NRIP2: variants seen among roughly 807,000 people sequenced by gnomAD.
NRIP2 encodes nuclear receptor-interacting protein 2.
A neutral mutation model predicts 34.1 loss-of-function variants in NRIP2; 27 were observed. The ratio of observed to expected loss-of-function variants is 0.79; its 90% CI spans 0.58 to 1.09. The LOEUF is 1.09. Ranked by LOEUF, NRIP2 falls within the 50% of genes least tolerant of loss-of-function variation. NRIP2 has a pLI of 0.00. For missense variants in NRIP2, 385 were observed against 352.6 expected (o/e 1.09, Z -0.74); for synonymous variants, 145 against 146.9 (o/e 0.99, Z 0.09).
In NRIP2 at chr12:2,830,854, G is replaced by A. The variant is rs199998479; in HGVS notation, c.349C>T (p.Arg117Cys). The part of the protein sequence containing the change: ...RLGTSKDLQP[R>C]SVIQRRLVEG... ...ACCAGGCGTCTTTGGATCACACTGC[G>A]CGGCTGCTGGCTCCATCACAAAACA... The change falls in exon 2 of 6, where the codon CGC becomes TGC. Residue 117 changes from arginine (R) to cysteine (C), a missense_variant. Physicochemically the swap from Arg to Cys is radical, Grantham distance 180. Coordinates refer to ENST00000337508, the MANE Select transcript of NRIP2 (RefSeq NM_031474.3). The A allele has an allele frequency of 2.2e-5, 35 of 1,612,462 alleles. No homozygotes were observed. The Admixed American group carries it at 3.2e-4, about 15-fold the overall frequency.
intron 2 of NRIP2, chr12:2,830,421 A>C (rs1424504128): frequency 1.3e-5 from 4 of 303,138 alleles, no homozygotes; most frequent in Non-Finnish European, 2.4e-5. Context: ...CACACACACC[A>C]TTTGTCTGTG....
At position 2,827,811 on chromosome 12, in the gene NRIP2, T is replaced by C; in HGVS notation, c.700+115A>G. 1 of 1,602,816 alleles carries C rather than the reference T, an allele frequency of 6.2e-7. No homozygotes were observed. Among genetic ancestry groups the C allele is most frequent in the South Asian group, 1.1e-5 (1 of 89,408 alleles). On this transcript the variant is annotated intron_variant, in intron 4 of 5. Transcript: ENST00000337508. This position sits in a 1 kb window ranked among gnomAD's most constrained non-coding sequence, Gnocchi z 4.0. ...ACACTGGCACAGAGATGGGGGATAGTCAGAACATCTCTGGGAACTCCTCGT... is the reference window on the plus strand; with the variant it reads ...ACACTGGCACAGAGATGGGGGATAGCCAGAACATCTCTGGGAACTCCTCGT...
In NRIP2 at chr12:2,827,059, G is replaced by A. The variant is rs1389202531; in HGVS notation, c.*148C>T. On this transcript the variant is annotated 3_prime_UTR_variant, in exon 6 of 6. Coordinates refer to ENST00000337508, the MANE Select transcript of NRIP2 (RefSeq NM_031474.3). The surrounding 1 kb of genome is among the most constrained non-coding windows in gnomAD (Gnocchi z 4.0). The stretch of plus-strand genomic sequence containing the variant: ...GAAGCAGAGAGGAATGCGGCCAGCT[G>A]GGGAAAATGGGACAGCAGGGGTCAG... 3.4e-6 allele frequency: 5 copies of A among 1,480,252 alleles called. No homozygotes were observed. Among genetic ancestry groups the A allele is most frequent in the Non-Finnish European group, 4.4e-6 (5 of 1,124,030 alleles). The allele number at this position is 1,480,252 out of a possible 1,614,324, so 91.7% of individuals were successfully genotyped here.
chr12:2,830,930 A>G, intron 1 of NRIP2, 70 bp from the exon 2 acceptor site: 1 of 1,536,556 alleles, frequency 6.5e-7, no homozygotes, highest in Non-Finnish European at 8.8e-7. Flanking sequence ...CAGTTACCCC[A>G]CTTAGATACC....
At chr12:2,833,791 A>AT (rs1342200318) in intron 1 of NRIP2, among the ~76,000 whole-genome samples, 1 of 152,184 alleles carries the variant, frequency 6.6e-6, no homozygotes, top group Non-Finnish European at 1.5e-5. Context: ...TGCTTTAAAT[A>AT]TATTAGCTCT....
intron 2 of NRIP2, 142 bp from the exon 3 acceptor site, chr12:2,828,556 G>A (rs563956094): frequency 1.7e-5 from 12 of 692,108 alleles, no homozygotes; most frequent in South Asian, 9.0e-5. Flanking sequence ...GGCTTTTATC[G>A]GGGCCAGGCG....
In NRIP2 at chr12:2,832,161, G is replaced by C. The variant is rs564389557; in HGVS notation, c.343-1301C>G. Among the ~76,000 whole-genome samples, 8 of 152,208 alleles carry C rather than the reference G, an allele frequency of 5.3e-5. No individual in the cohort carries two copies. In the East Asian group the frequency reaches 1.5e-3, roughly 29 times the overall value. Reference sequence around the variant, plus strand: ...ATGTTTCATTGTGACAAGATCCCCAGGTGATTCATGTGCAGGTTAAAGTTT... The same window carrying C: ...ATGTTTCATTGTGACAAGATCCCCACGTGATTCATGTGCAGGTTAAAGTTT... On this transcript the variant is annotated intron_variant, in intron 1 of 5. Transcript: ENST00000337508.
rs927712941 is a variant in NRIP2, at chr12:2,827,965, G to A, written c.661C>T (p.Leu221=). 1 of 1,614,224 alleles carries A rather than the reference G, an allele frequency of 6.2e-7. No homozygotes were observed. The highest frequency in any genetic ancestry group is 1.3e-5 in the African/African-American group (1 of 75,066). ...GAGCACACCACAGTCTCCTGCCCCA[G>A]CTGTAGCTCCAACTGCTCCACCTGG... ...PTQVEQLELQ[L]GQETVVCSAQ... The change falls in exon 4 of 6, where the codon CTG becomes TTG. Residue 221 remains leucine (L), a synonymous_variant. Coordinates refer to ENST00000337508, the MANE Select transcript of NRIP2 (RefSeq NM_031474.3). The surrounding 1 kb of genome is among the most constrained non-coding windows in gnomAD (Gnocchi z 4.0).
At position 2,828,388 on chromosome 12, in the gene NRIP2, G is replaced by A. The variant is rs772842823; in HGVS notation, c.522C>T (p.Ala174=). Residue 174 remains alanine (A), a synonymous_variant, in exon 3 of 6, where the codon GCC becomes GCT. Transcript: ENST00000337508. The part of the protein sequence containing the change: ...CKCQDQLLRV[A]VDTGTQYNRI... ...GATTGTATTGGGTGCCTGTGTCAAC[G>A]GCCACTCTAAGCAGCTGGTCCTGGC... The A allele has an allele frequency of 2.2e-5, 35 of 1,613,948 alleles. No homozygotes were observed. The highest frequency in any genetic ancestry group is 1.6e-4 in the Middle Eastern group (1 of 6,084).
intron 1 of NRIP2, among the ~76,000 whole-genome samples, chr12:2,832,302 T>G (rs2098007217): frequency 6.6e-6 from 1 of 151,986 alleles, no homozygotes; most frequent in African/African-American, 2.4e-5. Flanking sequence ...CTTTTGAAGG[T>G]GATCCACAGT....
intron 1 of NRIP2, 150 bp downstream of exon 1, chr12:2,834,492 G>T: frequency 8.9e-7 from 1 of 1,127,216 alleles, no homozygotes; most frequent in Non-Finnish European, 1.2e-6. Flanking sequence ...GAAGAGCCTT[G>T]AGTTGGCAGG....
Position 2,834,667 on chromosome 12 carries a change from T to A in NRIP2, c.317A>T (p.Lys106Met), listed in dbSNP as rs777156589. The A allele has an allele frequency of 8.7e-6, 14 of 1,609,688 alleles. No individual in the cohort carries two copies. The highest frequency in any genetic ancestry group is 1.1e-5 in the Non-Finnish European group (13 of 1,177,612). The change falls in exon 1 of 6, where the codon AAG becomes ATG. Residue 106 changes from lysine to methionine, a missense_variant. Transcript: ENST00000337508. ...CAAGTCCTTGGAGGTGCCGAGCCTC[T>A]TGAGGCTGTCCAGCGGGAGCAGGTC... ...SADLLPLDSL[K>M]RLGTSKDLQP...
Position 2,834,953 on chromosome 12 carries a change from A to G in NRIP2, c.31T>C (p.Trp11Arg), listed in dbSNP as rs1349535135. 1.3e-6 allele frequency: 2 copies of G among 1,591,248 alleles called. No homozygotes were observed. The highest frequency in any genetic ancestry group is 8.5e-7 in the Non-Finnish European group (1 of 1,170,030). Residue 11 changes from tryptophan to arginine, a missense_variant, in exon 1 of 6, where the codon TGG (tryptophan) becomes CGG (arginine). Physicochemically the swap from Trp to Arg is moderately radical, Grantham distance 101. Transcript: ENST00000337508. Reference protein sequence around the residue: MLFIFPLSLPWRPSCWKESCS... With the variant: MLFIFPLSLPRRPSCWKESCS... ...CTCTCTTTCCAACAGGAGGGTCTCC[A>G]CGGGAGGGAAAGAGGAAAAATAAAT...
At chr12:2,833,041 G>A (rs965063008) in intron 1 of NRIP2, among the ~76,000 whole-genome samples, 3 of 151,894 alleles carry the variant, frequency 2.0e-5, no homozygotes, top group Non-Finnish European at 2.9e-5. Flanking sequence ...TTGCTCCTCA[G>A]CCATCCCAGG....
intron 1 of NRIP2, among the ~76,000 whole-genome samples, chr12:2,831,119 C>T (rs2098000394): frequency 1.3e-5 from 2 of 152,078 alleles, no homozygotes; most frequent in African/African-American, 2.4e-5. Flanking sequence ...CTCTGTTAAA[C>T]TGACTTAGTA....
chr12:2,831,177 T>G (rs1292128239), intron 1 of NRIP2, among the ~76,000 whole-genome samples: 2 of 151,864 alleles, frequency 1.3e-5, no homozygotes, highest in East Asian at 3.9e-4. Flanking sequence ...AAGTTTTGTC[T>G]CAAACTTACA....
intron 2 of NRIP2, chr12:2,830,085 T>A (rs1985451): frequency 0.28 from 41,522 of 150,050 alleles, 6,734 homozygotes; most frequent in East Asian, 0.47. Context: ...TCAAAAAAAA[T>A]TTTTTTTTTT....
In NRIP2 at chr12:2,827,206, G is replaced by A; in HGVS notation, c.*1C>T. On this transcript the variant is annotated 3_prime_UTR_variant, in exon 6 of 6. Coordinates refer to ENST00000337508, the MANE Select transcript of NRIP2 (RefSeq NM_031474.3). This position sits in a 1 kb window ranked among gnomAD's most constrained non-coding sequence, Gnocchi z 4.0. ...CCTCTGGGGACTGACTGAGACAGCAGTCACTGGCCAGGCTCTTGGTACAAA... is the reference window on the plus strand; with the variant it reads ...CCTCTGGGGACTGACTGAGACAGCAATCACTGGCCAGGCTCTTGGTACAAA... The A allele has an allele frequency of 6.2e-7, 1 of 1,614,108 alleles. No individual in the cohort carries two copies. Among genetic ancestry groups the A allele is most frequent in the Non-Finnish European group, 8.5e-7 (1 of 1,180,014 alleles).
chr12:2,832,009 T>C (rs1452909176), intron 1 of NRIP2, among the ~76,000 whole-genome samples: 1 of 152,090 alleles, frequency 6.6e-6, no homozygotes, highest in East Asian at 1.9e-4. Context: ...ACCTTTCAAA[T>C]ACATCTGCTT....
Sources: gnomAD v4.1 joint callset for allele counts (sites outside exome capture counted in the v4.1 genomes callset) on GRCh38, gnomAD v4.1.1 for gene constraint, Gnocchi (gnomAD v3.1) non-coding constraint, MANE v1.5 for transcripts, NCBI Gene and HGNC (gene_info 2026-07-23, HGNC 2026-07-21) for gene names.